The following TYW1B variants were observed in gnomAD, a reference collection of about 807,000 sequenced individuals.
TYW1B encodes the protein S-adenosyl-L-methionine-dependent tRNA 4-demethylwyosine synthase TYW1B.
A neutral mutation model predicts 86.9 loss-of-function variants in TYW1B; 73 were observed. The ratio of observed to expected loss-of-function variants is 0.84; its 90% CI spans 0.70 to 1.02. The LOEUF is 1.02. Among genes scored for constraint, TYW1B ranks in the 50% least tolerant of loss-of-function variants. TYW1B has a pLI of 0.00. For missense variants in TYW1B, 637 were observed against 827.4 expected (o/e 0.77, Z 2.82); for synonymous variants, 248 against 292.8 (o/e 0.85, Z 1.56).
chr7:72,700,832 C>T (rs1487385647), intron 10 of TYW1B, among the ~76,000 whole-genome samples: 3 of 151,942 alleles, frequency 2.0e-5, no homozygotes, highest in East Asian at 1.9e-4. Flanking sequence ...TTTGGGAGGG[C>T]GAGGGGGGCA....
At chr7:72,818,601 A>T (rs1182552423) in intron 2 of TYW1B, among the ~76,000 whole-genome samples, 1 of 150,094 alleles carries the variant, frequency 6.7e-6, no homozygotes, top group Non-Finnish European at 1.5e-5. Flanking sequence ...AAAAAAAAAA[A>T]GGAAAAAAGA....
At chr7:72,716,217 G>A (rs1374737074) in intron 9 of TYW1B, among the ~76,000 whole-genome samples, 56 of 151,596 alleles carry the variant, frequency 3.7e-4, no homozygotes, top group African/African-American at 1.2e-3. Flanking sequence ...GATTACAGGC[G>A]TGAGCCACCA....
chr7:72,574,584 A>G lies in TYW1B; in HGVS notation c.*914T>C, dbSNP rs1163241948. 8 of 985,260 alleles carry G rather than the reference A, an allele frequency of 8.1e-6. No homozygotes were observed. Among genetic ancestry groups the G allele is most frequent in the Admixed American group, 6.1e-5 (1 of 16,268 alleles). 61.0% of individuals were successfully genotyped at this position (985,260 alleles called of 1,614,324 possible). On this transcript the variant is annotated 3_prime_UTR_variant, in exon 14 of 14. Transcript: ENST00000620995. ...TGTTAAAAGAATTTGCTAACTTGAA[A>G]ACAATTTTGAGTATTTATGATCTTT...
chr7:72,592,621 T>C (rs1287447202), intron 13 of TYW1B, among the ~76,000 whole-genome samples: 1 of 152,144 alleles, frequency 6.6e-6, no homozygotes, highest in Non-Finnish European at 1.5e-5. Context: ...AACAAAAAGA[T>C]ATGATCCCAT....
intron 11 of TYW1B, among the ~76,000 whole-genome samples, chr7:72,688,537 A>G (rs35222082): frequency 2.0e-5 from 3 of 152,168 alleles, no homozygotes; most frequent in Non-Finnish European, 4.4e-5. Flanking sequence ...AATTGAACCA[A>G]TATCTTTATC....
At chr7:72,753,480 A>ATTTT (rs11359200) in intron 7 of TYW1B, among the ~76,000 whole-genome samples, 2,366 of 138,556 alleles carry the variant, frequency 0.017, 90 homozygotes, top group African/African-American at 0.06. Flanking sequence ...ATCATTAGCA[A>ATTTT]TTTTTTTTTT....
chr7:72,778,222 A>G (rs560832240), intron 6 of TYW1B, among the ~76,000 whole-genome samples: 3 of 152,218 alleles, frequency 2.0e-5, no homozygotes, highest in African/African-American at 7.2e-5. Flanking sequence ...GAAAAGGGGG[A>G]AAAATAATAA....
intron 11 of TYW1B, among the ~76,000 whole-genome samples, chr7:72,662,487 CCTT>C (rs1157872507): frequency 6.6e-6 from 1 of 151,482 alleles, no homozygotes; most frequent in African/African-American, 2.4e-5. Context: ...AAATTTTTTT[CCTT>C]TTTTCACAAG....
chr7:72,734,180 C>T (rs1554460468), intron 8 of TYW1B, among the ~76,000 whole-genome samples: 1 of 142,944 alleles, frequency 7.0e-6, no homozygotes, highest in Non-Finnish European at 1.5e-5. Context: ...ATCCCTTGAA[C>T]CAGGCAGGTG....
intron 13 of TYW1B, among the ~76,000 whole-genome samples, chr7:72,578,931 A>T (rs188576734): frequency 1.3e-4 from 20 of 152,158 alleles, no homozygotes; most frequent in Non-Finnish European, 2.6e-4. Flanking sequence ...CTAGGTCTGA[A>T]GTCTGACCCC....
At position 72,642,082 on chromosome 7, in the gene TYW1B, C is replaced by T. The variant is rs114952080; in HGVS notation, c.1507-13085G>A. ...CCACAAATAAAACCCATACACTTAG[C>T]GGCCAATTGATTTTGACAAGGGTAC... On this transcript the variant is annotated intron_variant, in intron 11 of 13. Coordinates refer to ENST00000620995, the MANE Select transcript of TYW1B (RefSeq NM_001145440.3). Among the ~76,000 whole-genome samples, 1,247 of 152,226 alleles carry T rather than the reference C, an allele frequency of 8.2e-3. 16 individuals carry two copies. The highest frequency in any genetic ancestry group is 0.026 in the African/African-American group (1,096 of 41,536).
chr7:72,770,529 G>T (rs529131346), intron 7 of TYW1B, among the ~76,000 whole-genome samples: 2 of 152,052 alleles, frequency 1.3e-5, no homozygotes, highest in African/African-American at 4.8e-5. Context: ...ACCACATGAT[G>T]GTGAGAATGT....
intron 11 of TYW1B, among the ~76,000 whole-genome samples, chr7:72,632,402 T>TATATATATACATATATATATA (rs1585863161): frequency 2.5e-5 from 2 of 79,706 alleles, no homozygotes; most frequent in East Asian, 4.5e-4. Flanking sequence ...ATATATATAA[T>TATATATATACATATATATATA]ATATATATAC....
chr7:72,739,225 TATG>T (rs1289051540), intron 8 of TYW1B, among the ~76,000 whole-genome samples: 167 of 152,274 alleles, frequency 1.1e-3, no homozygotes, highest in African/African-American at 3.6e-3. Flanking sequence ...TGATTATCCA[TATG>T]ATGATAAACG....
At chr7:72,700,016 G>A (rs1419822976) in intron 10 of TYW1B, among the ~76,000 whole-genome samples, 1 of 151,944 alleles carries the variant, frequency 6.6e-6, no homozygotes, top group African/African-American at 2.4e-5. Context: ...GTGGCTCTAG[G>A]GTGGTGGAGA....
intron 11 of TYW1B, among the ~76,000 whole-genome samples, chr7:72,632,390 A>ATATATATTATATATATACG (rs1812539249): frequency 2.1e-5 from 2 of 96,456 alleles, no homozygotes; most frequent in African/African-American, 6.3e-5. Flanking sequence ...ATATATACGT[A>ATATATATTATATATATACG]TATATATATA....
At chr7:72,603,092 T>TGATGGATGGATGGATG (rs61589472) in intron 13 of TYW1B, among the ~76,000 whole-genome samples, 2 of 147,000 alleles carry the variant, frequency 1.4e-5, no homozygotes, top group Admixed American at 6.7e-5. Flanking sequence ...GACAGACAGA[T>TGATGGATGGATGGATG]GATGGATGGA....
intron 5 of TYW1B, among the ~76,000 whole-genome samples, chr7:72,804,674 C>G (rs1437708865): frequency 2.6e-5 from 4 of 152,086 alleles, no homozygotes; most frequent in Non-Finnish European, 5.9e-5. Flanking sequence ...CTCATCTCTA[C>G]AAAAAATTTA....
rs1554481850 is a variant in TYW1B, at chr7:72,828,142, GC to G, written c.-68del. The G allele has an allele frequency of 1.2e-5, 19 of 1,607,372 alleles. No individual in the cohort carries two copies. The highest frequency in any genetic ancestry group is 1.6e-5 in the Non-Finnish European group (19 of 1,177,216). On this transcript the variant is annotated 5_prime_UTR_variant, in exon 1 of 14. Coordinates refer to ENST00000620995, the MANE Select transcript of TYW1B (RefSeq NM_001145440.3). ...GAGCCCAAAGGTTCGCACTGGTACTGCGAGACGCACCGAGCTACCTCGCGGC... is the reference window on the plus strand; with the variant it reads ...GAGCCCAAAGGTTCGCACTGGTACTGGAGACGCACCGAGCTACCTCGCGGC...
Sources: allele counts gnomAD v4.1 joint callset (sites outside exome capture counted in the v4.1 genomes callset), GRCh38; gene constraint gnomAD v4.1.1; transcripts MANE v1.5; gene names NCBI Gene and HGNC (gene_info 2026-07-23, HGNC 2026-07-21).